NCOA1: variants seen among roughly 807,000 people sequenced by gnomAD.
NCOA1 encodes nuclear receptor coactivator 1.
Under a neutral mutation model 150.9 loss-of-function variants are expected in NCOA1, and 35 were observed. The ratio of observed to expected loss-of-function variants is 0.23; its 90% CI spans 0.18 to 0.31. The LOEUF is 0.31. Ranked by LOEUF, NCOA1 falls within the 10% of genes least tolerant of loss-of-function variation. NCOA1 has a pLI of 1.00. For missense variants in NCOA1, 1,491 were observed against 1,749.3 expected, an observed-to-expected ratio of 0.85 and a Z score of 2.63; for synonymous variants, 590 against 630.0, an observed-to-expected ratio of 0.94 and a Z score of 0.95.
Position 24,677,492 on chromosome 2 carries a change from C to T in NCOA1, c.354+4029C>T, listed in dbSNP as rs139822248. 5.4e-3 allele frequency among the ~76,000 whole-genome samples: 820 copies of T among 152,276 alleles called. 7 individuals are homozygous for T. Among genetic ancestry groups the T allele is most frequent in the Middle Eastern group, 0.02 (6 of 294 alleles). On this transcript the variant is annotated intron_variant, in intron 7 of 22. Transcript: ENST00000348332. ...AGGCTGGAATGCAGTGACACAATCTCGGATTACTGTAACCTCCACCTCTTG... is the reference window on the plus strand; with the variant it reads ...AGGCTGGAATGCAGTGACACAATCTTGGATTACTGTAACCTCCACCTCTTG...
chr2:24,529,658 A>G (rs1423023736), intron 1 of NCOA1, among the ~76,000 whole-genome samples: 2 of 152,192 alleles, frequency 1.3e-5, no homozygotes, highest in African/African-American at 4.8e-5. Flanking sequence ...TTGCATTGTC[A>G]GTTTAACCTT....
intron 1 of NCOA1, among the ~76,000 whole-genome samples, chr2:24,536,870 T>C (rs1166636592): frequency 2.0e-5 from 3 of 152,058 alleles, no homozygotes; most frequent in African/African-American, 7.2e-5. Flanking sequence ...AACTGAAGCA[T>C]GGAAAACCAA....
intron 3 of NCOA1, among the ~76,000 whole-genome samples, chr2:24,629,154 A>G (rs1416837072): frequency 6.6e-6 from 1 of 152,158 alleles, no homozygotes; most frequent in Non-Finnish European, 1.5e-5. Context: ...AAATAGGCAA[A>G]TGCATGCAGG....
rs1432009583 is a variant in NCOA1 at position 24,680,318 on chromosome 2, TGC to T, written c.355-2632_355-2631del. Among the ~76,000 whole-genome samples the T allele has an allele frequency of 9.0e-3, 1,377 of 152,326 alleles. 28 individuals are homozygous for T. Among genetic ancestry groups the T allele is most frequent in the African/African-American group, 0.031 (1,309 of 41,570 alleles). ...GTGATATCTCATCGTGGTTTTAATTTGCATCAACCTAAGTGTCCAAAAATGGA... is the reference window on the plus strand; with the variant it reads ...GTGATATCTCATCGTGGTTTTAATTTATCAACCTAAGTGTCCAAAAATGGA... On this transcript the variant is annotated intron_variant, in intron 7 of 22. Transcript: ENST00000348332.
At chr2:24,597,952 C>T (rs573359240) in intron 3 of NCOA1, among the ~76,000 whole-genome samples, 4 of 152,148 alleles carry the variant, frequency 2.6e-5, no homozygotes, top group South Asian at 2.1e-4. Flanking sequence ...CAACAGGCCC[C>T]GGTGTGTGAT....
chr2:24,579,051 AT>A lies in NCOA1; in HGVS notation c.-259-5416del, dbSNP rs113485891. On this transcript the variant is annotated intron_variant, in intron 2 of 22. Coordinates refer to ENST00000348332, the MANE Select transcript of NCOA1 (RefSeq NM_003743.5). ...TGGGTACTGAAAAATTATTAGTAGTATTTTTTTTTAATGAACAACAGAATAA... is the reference window on the plus strand; with the variant it reads ...TGGGTACTGAAAAATTATTAGTAGTATTTTTTTTAATGAACAACAGAATAA... Among the ~76,000 whole-genome samples, 20 of 151,056 alleles carry A rather than the reference AT, an allele frequency of 1.3e-4. 1 individual carries two copies. The East Asian group carries it at 3.9e-3, about 29-fold the overall frequency.
At chr2:24,747,327 CTTTTTTTTTT>C (rs148901218) in intron 19 of NCOA1, among the ~76,000 whole-genome samples, 1 of 120,170 alleles carries the variant, frequency 8.3e-6, no homozygotes, top group African/African-American at 3.1e-5. Context: ...TTATTTTTCT[CTTTTTTTTTT>C]TTTTTTTTTT....
chr2:24,499,574 C>A (rs1441756817), intron 1 of NCOA1, among the ~76,000 whole-genome samples: 1 of 151,616 alleles, frequency 6.6e-6, no homozygotes, highest in Non-Finnish European at 1.5e-5. Flanking sequence ...AGTGTATTAT[C>A]ACTTGGCATT....
chr2:24,603,188 AT>A (rs1352995104), intron 3 of NCOA1, among the ~76,000 whole-genome samples: 8 of 39,270 alleles, frequency 2.0e-4, no homozygotes, highest in South Asian at 2.1e-3. Flanking sequence ...CTAAAAAAAT[AT>A]ATATACCTTA....
rs142124557 is a variant in NCOA1 at position 24,545,143 on chromosome 2, G to A, written c.-395-19152G>A. ...AGTAGCATGAGCACACCCAGCATCA[G>A]ATCTTGGTTTCTAATACCACTCTCC... On this transcript the variant is annotated intron_variant, in intron 1 of 22. Coordinates refer to ENST00000348332, the MANE Select transcript of NCOA1 (RefSeq NM_003743.5). Among the ~76,000 whole-genome samples the A allele has an allele frequency of 7.0e-3, 1,061 of 152,288 alleles. 11 individuals are homozygous for A. Among genetic ancestry groups the A allele is most frequent in the African/African-American group, 0.024 (1,000 of 41,552 alleles).
chr2:24,516,820 G>A (rs1190882680), intron 1 of NCOA1, among the ~76,000 whole-genome samples: 1 of 68,104 alleles, frequency 1.5e-5, no homozygotes, highest in Admixed American at 2.3e-4. Context: ...TTTCTATCCA[G>A]CTTTCTTTTT....
intron 10 of NCOA1, 96 bp downstream of exon 10, chr2:24,693,443 G>T: frequency 9.0e-7 from 1 of 1,110,560 alleles, no homozygotes; most frequent in Non-Finnish European, 1.4e-6. Flanking sequence ...TGTTCTATGA[G>T]ATTTAGGCTT....
In NCOA1 at chr2:24,767,952, G is replaced by A. The variant is rs1387506494; in HGVS notation, c.4156-269G>A. On this transcript the variant is annotated intron_variant, in intron 22 of 22. Coordinates refer to ENST00000348332, the MANE Select transcript of NCOA1 (RefSeq NM_003743.5). Reference sequence around the variant, plus strand: ...TCCCAATCTTGGCAACATTAGCAATGATACTCACTTTCAGTATTGATGGCA... The same window carrying A: ...TCCCAATCTTGGCAACATTAGCAATAATACTCACTTTCAGTATTGATGGCA... The A allele has an allele frequency of 3.6e-6, 3 of 840,408 alleles. No individual in the cohort carries two copies. In the East Asian group the frequency reaches 7.4e-5, roughly 21 times the overall value. The allele number at this position is 840,408 out of a possible 1,614,324, so 52.1% of individuals were successfully genotyped here. A position where few individuals can be genotyped will look rare whatever the true frequency, so the allele number is the denominator to read the frequency against.
intron 1 of NCOA1, among the ~76,000 whole-genome samples, chr2:24,532,165 G>T (rs1198736863): frequency 1.3e-5 from 2 of 152,158 alleles, no homozygotes; most frequent in African/African-American, 2.4e-5. Flanking sequence ...GGTGTGAGAT[G>T]GTATCTCACT....
At chr2:24,586,208 G>A (rs941599663) in intron 3 of NCOA1, among the ~76,000 whole-genome samples, 8 of 150,270 alleles carry the variant, frequency 5.3e-5, no homozygotes, top group Admixed American at 2.0e-4. Context: ...CCCAGGAGGC[G>A]GAGCTTGCAA....
chr2:24,524,614 A>G (rs1451262959), intron 1 of NCOA1, among the ~76,000 whole-genome samples: 1 of 150,814 alleles, frequency 6.6e-6, no homozygotes, highest in Non-Finnish European at 1.5e-5. Flanking sequence ...GTATGTATAT[A>G]TATATTTTTT....
intron 10 of NCOA1, among the ~76,000 whole-genome samples, chr2:24,696,809 T>C (rs1312077873): frequency 1.3e-5 from 2 of 151,986 alleles, no homozygotes; most frequent in Non-Finnish European, 2.9e-5. Context: ...GATGGAGCAA[T>C]ATTGGTAACG....
chr2:24,577,210 C>T (rs938123860), intron 2 of NCOA1, among the ~76,000 whole-genome samples: 2 of 148,456 alleles, frequency 1.3e-5, no homozygotes, highest in Non-Finnish European at 3.0e-5. Flanking sequence ...TCTAATCTTG[C>T]TTTTCTCTAC....
chr2:24,525,972 T>C (rs539915367), intron 1 of NCOA1, among the ~76,000 whole-genome samples: 11 of 152,238 alleles, frequency 7.2e-5, no homozygotes, highest in Non-Finnish European at 1.6e-4. Context: ...GTATCAGGCT[T>C]AAGATACTTG....
Sources: gnomAD v4.1 joint callset for allele counts (sites outside exome capture counted in the v4.1 genomes callset) on GRCh38, gnomAD v4.1.1 for gene constraint, MANE v1.5 for transcripts, NCBI Gene and HGNC (gene_info 2026-07-23, HGNC 2026-07-21) for gene names.